ACTL6B: variants seen among roughly 807,000 people sequenced by gnomAD.
The protein encoded by ACTL6B is actin like 6B.
Under a neutral mutation model 63.3 loss-of-function variants are expected in ACTL6B, and 48 were observed. That is an observed-to-expected ratio of 0.76 (90% CI 0.60 to 0.96). The LOEUF (loss-of-function observed/expected upper bound fraction) is 0.96. ACTL6B is among the 50% of genes least tolerant of loss of function. ACTL6B has a pLI of 0.00. For missense variants in ACTL6B, 350 were observed against 572.2 expected, an observed-to-expected ratio of 0.61 and a Z score of 3.96; for synonymous variants, 230 against 223.8, an observed-to-expected ratio of 1.03 and a Z score of -0.25.
chr7:100,652,728 G>A (rs1306036029), intron 4 of ACTL6B, among the ~76,000 whole-genome samples: 1 of 151,574 alleles, frequency 6.6e-6, no homozygotes, highest in Non-Finnish European at 1.5e-5. Context: ...ACAGGGCTGG[G>A]ATGGTGGCTT....
Position 100,646,538 on chromosome 7 carries a change from G to T in ACTL6B, c.1113+13C>A. 2 of 1,613,674 alleles carry T rather than the reference G, an allele frequency of 1.2e-6. No individual in the cohort carries two copies. The highest frequency in any genetic ancestry group is 1.7e-6 in the Non-Finnish European group (2 of 1,179,724). ...CGGGTGTCCAGGGCTCTGGGTCAGG[G>T]GTGGGCTCCTACCGGTGGGGTCTTC... On this transcript the variant is annotated intron_variant, in intron 12 of 13. Transcript: ENST00000160382. This position sits in a 1 kb window ranked among gnomAD's most constrained non-coding sequence, Gnocchi z 6.1.
intron 5 of ACTL6B, among the ~76,000 whole-genome samples, chr7:100,649,290 C>A (rs1004075135): frequency 2.0e-5 from 3 of 150,710 alleles, no homozygotes; most frequent in African/African-American, 7.3e-5. Flanking sequence ...CCACACCCGG[C>A]GACCCCAGTT....
intron 4 of ACTL6B, among the ~76,000 whole-genome samples, chr7:100,651,584 T>C (rs1182826639): frequency 6.6e-6 from 1 of 151,766 alleles, no homozygotes; most frequent in Non-Finnish European, 1.5e-5. Flanking sequence ...TAGATTATTA[T>C]TTAATTAATT....
At chr7:100,652,475 T>C (rs1803959533) in intron 4 of ACTL6B, among the ~76,000 whole-genome samples, 1 of 138,146 alleles carries the variant, frequency 7.2e-6, no homozygotes, top group African/African-American at 2.8e-5. Context: ...TGGGCACCTG[T>C]AGTCCCAGCT....
Position 100,647,020 on chromosome 7 carries a change from G to T in ACTL6B, c.887C>A (p.Ala296Asp). The stretch of plus-strand genomic sequence containing the variant: ...GCCCTCAGGGATGCGGAGTCGCTCG[G>T]CGCCGTAGTCTGTATTGTAGCCATT... ...MPNGYNTDYG[A>D]ERLRIPEGLF... Residue 296 changes from alanine (A) to aspartate (D), a missense_variant, in exon 10 of 14, where the codon GCC becomes GAC. Coordinates refer to ENST00000160382, the MANE Select transcript of ACTL6B (RefSeq NM_016188.5). This position sits in a 1 kb window ranked among gnomAD's most constrained non-coding sequence, Gnocchi z 4.4. The T allele has an allele frequency of 6.2e-7, 1 of 1,614,106 alleles. No homozygotes were observed. Among genetic ancestry groups the T allele is most frequent in the South Asian group, 1.1e-5 (1 of 91,084 alleles).
Position 100,643,130 on chromosome 7 carries a change from C to T in ACTL6B, c.*116G>A, listed in dbSNP as rs996844880. On this transcript the variant is annotated 3_prime_UTR_variant, in exon 14 of 14. Coordinates refer to ENST00000160382, the MANE Select transcript of ACTL6B (RefSeq NM_016188.5). ...CTTAAAACATTTTTACTTCTTTCAA[C>T]CCAGAAACATCACCATTAATGAGGA... 4 of 1,157,946 alleles carry T rather than the reference C, an allele frequency of 3.5e-6. No homozygotes were observed. The highest frequency in any genetic ancestry group is 5.0e-6 in the Non-Finnish European group (4 of 793,972). The allele number at this position is 1,157,946 out of a possible 1,614,324, so 71.7% of individuals were successfully genotyped here.
In ACTL6B at chr7:100,647,507, T is replaced by A. The variant is rs756887243; in HGVS notation, c.696A>T (p.Pro232=). 47 of 1,608,334 alleles carry A rather than the reference T, an allele frequency of 2.9e-5. 2 individuals carry two copies. In the South Asian group the frequency reaches 5.0e-4, roughly 17 times the overall value. ...AKEPVREGAP[P]NWKKKEKLPQ... is the part of the protein sequence containing the mutation. ...GTAGCTTCTCCTTCTTCTTCCAGTTTGGGGGGGCACCCTCCCGGACAGGCT... is the reference window on the plus strand; with the variant it reads ...GTAGCTTCTCCTTCTTCTTCCAGTTAGGGGGGGCACCCTCCCGGACAGGCT... Residue 232 remains proline (P), a synonymous_variant, in exon 8 of 14, where the codon CCA becomes CCT. Coordinates refer to ENST00000160382, the MANE Select transcript of ACTL6B (RefSeq NM_016188.5). This position sits in a 1 kb window ranked among gnomAD's most constrained non-coding sequence, Gnocchi z 4.4.
chr7:100,649,064 C>G (rs1554366655), intron 5 of ACTL6B, among the ~76,000 whole-genome samples: 1 of 151,006 alleles, frequency 6.6e-6, no homozygotes, highest in Non-Finnish European at 1.5e-5. Context: ...GCAATCTCAG[C>G]TCACTGCAAG....
intron 5 of ACTL6B, 120 bp downstream of exon 5, chr7:100,649,918 C>T: frequency 2.4e-6 from 2 of 838,566 alleles, no homozygotes; most frequent in Non-Finnish European, 3.8e-6. Flanking sequence ...GAGGTGTCTG[C>T]CCATTGGGAC....
In ACTL6B at chr7:100,646,180, G is replaced by A; in HGVS notation, c.1200+69C>T. 1 of 1,278,192 alleles carries A rather than the reference G, an allele frequency of 7.8e-7. No individual in the cohort carries two copies. The highest frequency in any genetic ancestry group is 1.3e-5 in the South Asian group (1 of 77,650). 79.2% of individuals were successfully genotyped at this position (1,278,192 alleles called of 1,614,324 possible). The stretch of plus-strand genomic sequence containing the variant: ...ATGAATGAACGAAGAGGCAGTCAAA[G>A]TGGCGGGCACTGTCTGGGTCTCCCC... On this transcript the variant is annotated intron_variant, in intron 13 of 13. Coordinates refer to ENST00000160382, the MANE Select transcript of ACTL6B (RefSeq NM_016188.5). This position sits in a 1 kb window ranked among gnomAD's most constrained non-coding sequence, Gnocchi z 6.1.
At chr7:100,644,644 G>A (rs1479816003) in intron 13 of ACTL6B, among the ~76,000 whole-genome samples, 3 of 151,990 alleles carry the variant, frequency 2.0e-5, no homozygotes, top group African/African-American at 4.8e-5. Flanking sequence ...ATGAGGTCTC[G>A]CTTTGTTGCC....
chr7:100,654,098 G>A (rs1221019834), intron 4 of ACTL6B, among the ~76,000 whole-genome samples: 2 of 151,346 alleles, frequency 1.3e-5, no homozygotes, highest in African/African-American at 2.4e-5. Context: ...TCAGCCTCCC[G>A]AGTAGCTGGG....
In ACTL6B at chr7:100,655,730, G is replaced by C; in HGVS notation, c.102+73C>G. 6.5e-7 allele frequency: 1 copy of C among 1,528,126 alleles called. No individual in the cohort carries two copies. The highest frequency in any genetic ancestry group is 8.8e-7 in the Non-Finnish European group (1 of 1,132,838). 94.7% of individuals were successfully genotyped at this position (1,528,126 alleles called of 1,614,324 possible). ...CAGAGCTTCTGGGCGATCTGGGAGA[G>C]CCCTGGGTCACTGGAAAGCCTGAAG... On this transcript the variant is annotated intron_variant, in intron 2 of 13. Transcript: ENST00000160382. The surrounding 1 kb of genome is among the most constrained non-coding windows in gnomAD (Gnocchi z 4.4).
In ACTL6B at chr7:100,652,853, T is replaced by G. The variant is rs1237234018; in HGVS notation, c.369+2166A>C. Among the ~76,000 whole-genome samples the G allele has an allele frequency of 4.0e-5, 6 of 150,234 alleles. No individual in the cohort carries two copies. In the East Asian group the frequency reaches 1.2e-3, roughly 30 times the overall value. ...CCGTCTCTACTAAAAATACAAAAAT[T>G]AGCTGGGCGTGGTGGCACGCACCTG... On this transcript the variant is annotated intron_variant, in intron 4 of 13. Transcript: ENST00000160382.
At position 100,646,087 on chromosome 7, in the gene ACTL6B, T is replaced by C. The variant is rs1166183678; in HGVS notation, c.1200+162A>G. Among the ~76,000 whole-genome samples the C allele has an allele frequency of 6.6e-6, 1 of 152,232 alleles. No homozygotes were observed. Among genetic ancestry groups the C allele is most frequent in the Non-Finnish European group, 1.5e-5 (1 of 68,042 alleles). ...TACCGGGCCCCTGCCCCCCGATTTG[T>C]GTCCTGTTCACCCTTCTGGGAACAT... On this transcript the variant is annotated intron_variant, in intron 13 of 13. Transcript: ENST00000160382. This position sits in a 1 kb window ranked among gnomAD's most constrained non-coding sequence, Gnocchi z 6.1.
At position 100,655,604 on chromosome 7, in the gene ACTL6B, G is replaced by C; in HGVS notation, c.103-18C>G. On this transcript the variant is annotated intron_variant, in intron 2 of 13. Coordinates refer to ENST00000160382, the MANE Select transcript of ACTL6B (RefSeq NM_016188.5). This position sits in a 1 kb window ranked among gnomAD's most constrained non-coding sequence, Gnocchi z 4.4. ...AAGTCAGCCTGGTGGGGAAGGGTTG[G>C]GGGAGTATTGGCAGGGAGAGAGGTC... 1 of 1,605,612 alleles carries C rather than the reference G, an allele frequency of 6.2e-7. No individual in the cohort carries two copies. The highest frequency in any genetic ancestry group is 8.5e-7 in the Non-Finnish European group (1 of 1,176,208).
chr7:100,656,228 T>A (rs1372316136), intron 1 of ACTL6B, 102 bp downstream of exon 1: 3 of 1,280,784 alleles, frequency 2.3e-6, no homozygotes, highest in African/African-American at 3.1e-5. Flanking sequence ...CTCGACCCGC[T>A]CGTGCGCGGA....
rs749283208 is a variant in ACTL6B, at chr7:100,655,544, C to T, written c.145G>A (p.Gly49Arg). The T allele has an allele frequency of 6.2e-7, 1 of 1,613,958 alleles. No homozygotes were observed. Among genetic ancestry groups the T allele is most frequent in the Non-Finnish European group, 8.5e-7 (1 of 1,179,866 alleles). The change falls in exon 3 of 14, where the codon GGG becomes AGG. Residue 49 changes from glycine to arginine, a missense_variant. Transcript: ENST00000160382. This position sits in a 1 kb window ranked among gnomAD's most constrained non-coding sequence, Gnocchi z 4.4. Reference sequence around the variant, plus strand: ...TCCCCCTCCAGCTCCAGCCCGCCCCCCTCCTCCGCGGCCAGCAGCCCCACT... The same window carrying T: ...TCCCCCTCCAGCTCCAGCCCGCCCCTCTCCTCCGCGGCCAGCAGCCCCACT... ...TTVGLLAAEE[G>R]GGLELEGDKE...
chr7:100,652,345 A>G (rs1468531411), intron 4 of ACTL6B, among the ~76,000 whole-genome samples: 1 of 151,600 alleles, frequency 6.6e-6, no homozygotes, highest in East Asian at 1.9e-4. Context: ...AGGCTGAGGC[A>G]GGAGAAATGG....
Sources: gnomAD v4.1 joint callset for allele counts (sites outside exome capture counted in the v4.1 genomes callset) on GRCh38, gnomAD v4.1.1 for gene constraint, Gnocchi (gnomAD v3.1) non-coding constraint, MANE v1.5 for transcripts, NCBI Gene and HGNC (gene_info 2026-07-23, HGNC 2026-07-21) for gene names.